ZBTB20: variants seen among roughly 807,000 people sequenced by gnomAD.
The protein encoded by ZBTB20 is zinc finger and BTB domain-containing protein 20.
ZBTB20 carries 9 observed loss-of-function variants against 56.9 expected under a neutral mutation model. The ratio of observed to expected loss-of-function variants is 0.16; its 90% CI spans 0.10 to 0.28. The LOEUF (loss-of-function observed/expected upper bound fraction) is 0.28. ZBTB20 is among the 10% of genes least tolerant of loss of function. ZBTB20 has a pLI of 1.00. For missense variants in ZBTB20, 655 were observed against 1,003.0 expected, an observed-to-expected ratio of 0.65 and a Z score of 4.69; for synonymous variants, 417 against 420.7, an observed-to-expected ratio of 0.99 and a Z score of 0.11.
chr3:114,430,850 T>C (rs79768640), intron 7 of ZBTB20, among the ~76,000 whole-genome samples: 10,158 of 152,278 alleles, frequency 0.067, 435 homozygotes, highest in East Asian at 0.19. Context: ...GGTGAGCACA[T>C]AGTCTGCTTC....
chr3:115,014,757 A>G (rs2079873718), intron 2 of ZBTB20, among the ~76,000 whole-genome samples: 2 of 151,708 alleles, frequency 1.3e-5, no homozygotes, highest in African/African-American at 4.8e-5. Context: ...CAAAGCATCT[A>G]TGATTATCGG....
chr3:114,909,020 A>G (rs1274304482), intron 3 of ZBTB20, among the ~76,000 whole-genome samples: 1 of 152,052 alleles, frequency 6.6e-6, no homozygotes, highest in African/African-American at 2.4e-5. Context: ...ATCTGAAATG[A>G]TGATGAATCT....
chr3:114,436,315 G>A (rs538653492), intron 7 of ZBTB20, among the ~76,000 whole-genome samples: 3 of 152,050 alleles, frequency 2.0e-5, no homozygotes, highest in Non-Finnish European at 2.9e-5. Context: ...AGGAGTTCCC[G>A]TATCAGACAG....
At chr3:114,387,685 G>A (rs1175333574) in intron 8 of ZBTB20, 8 of 152,292 alleles carry the variant, frequency 5.3e-5, no homozygotes, top group South Asian at 2.1e-4. Context: ...GTTACTCTGT[G>A]ATGAAGAAAA....
chr3:114,872,153 C>A (rs1334662099), intron 4 of ZBTB20, among the ~76,000 whole-genome samples: 5 of 152,134 alleles, frequency 3.3e-5, no homozygotes, highest in African/African-American at 4.8e-5. Context: ...GATCATATAT[C>A]CTGTTGCTTT....
chr3:115,034,504 GAAT>G (rs372131747), intron 2 of ZBTB20, among the ~76,000 whole-genome samples: 112 of 151,658 alleles, frequency 7.4e-4, no homozygotes, highest in Non-Finnish European at 1.2e-3. Context: ...GTATCACAAA[GAAT>G]AATACTATTT....
intron 5 of ZBTB20, among the ~76,000 whole-genome samples, chr3:114,722,856 G>A (rs1419726281): frequency 2.0e-5 from 3 of 152,226 alleles, no homozygotes; most frequent in African/African-American, 7.2e-5. Context: ...GGACTTCACA[G>A]CTCTGTTTCA....
intron 3 of ZBTB20, among the ~76,000 whole-genome samples, chr3:114,917,047 A>G (rs1029413414): frequency 1.3e-5 from 2 of 151,978 alleles, no homozygotes; most frequent in African/African-American, 4.8e-5. Flanking sequence ...TCTTGTAGGC[A>G]TGCTTCATTC....
At chr3:114,985,243 G>A (rs887440007) in intron 2 of ZBTB20, among the ~76,000 whole-genome samples, 1 of 152,066 alleles carries the variant, frequency 6.6e-6, no homozygotes, top group African/African-American at 2.4e-5. Flanking sequence ...TGATAGATCT[G>A]AGTAACGAAT....
chr3:114,532,269 G>A (rs940069648), intron 6 of ZBTB20, among the ~76,000 whole-genome samples: 4 of 152,176 alleles, frequency 2.6e-5, no homozygotes, highest in African/African-American at 9.7e-5. Context: ...ACGGCAGTCT[G>A]AAGTTGACCT....
intron 2 of ZBTB20, among the ~76,000 whole-genome samples, chr3:114,999,758 A>G (rs2079172511): frequency 6.6e-6 from 1 of 151,678 alleles, no homozygotes; most frequent in South Asian, 2.1e-4. Flanking sequence ...CACCTCTCCA[A>G]GCGTTTCAGC....
intron 11 of ZBTB20, among the ~76,000 whole-genome samples, chr3:114,349,194 T>A (rs1186830132): frequency 3.3e-5 from 2 of 60,744 alleles, no homozygotes; most frequent in Admixed American, 4.3e-4. Flanking sequence ...AGTGAGACCC[T>A]GTCTCAAAAA....
rs568906631 is a variant in ZBTB20 at position 114,537,271 on chromosome 3, G to T, written c.-294-36880C>A. On this transcript the variant is annotated intron_variant, in intron 6 of 11. Coordinates refer to ENST00000675478, the MANE Select transcript of ZBTB20 (RefSeq NM_001348800.3). Reference sequence around the variant, plus strand: ...AAGGGCTAATATCCAGAATCAACAAGGAATTTAAACAAATTTACAAGAAAA... The same window carrying T: ...AAGGGCTAATATCCAGAATCAACAATGAATTTAAACAAATTTACAAGAAAA... Among the ~76,000 whole-genome samples, 15 of 151,950 alleles carry T rather than the reference G, an allele frequency of 9.9e-5. No individual in the cohort carries two copies. In the East Asian group the frequency reaches 2.9e-3, roughly 29 times the overall value.
intron 2 of ZBTB20, among the ~76,000 whole-genome samples, chr3:115,056,976 A>G (rs1253698961): frequency 1.3e-5 from 2 of 151,820 alleles, no homozygotes; most frequent in African/African-American, 4.9e-5. Flanking sequence ...GTTGTAGCAC[A>G]TATCTATTCC....
intron 2 of ZBTB20, among the ~76,000 whole-genome samples, chr3:115,044,278 AG>A (rs1158407544): frequency 6.6e-6 from 1 of 152,226 alleles, no homozygotes; most frequent in Non-Finnish European, 1.5e-5. Context: ...CAACCAGCGT[AG>A]GTTCACCCTC....
At chr3:114,815,937 A>T (rs2072884060) in intron 4 of ZBTB20, among the ~76,000 whole-genome samples, 1 of 152,172 alleles carries the variant, frequency 6.6e-6, no homozygotes, top group African/African-American at 2.4e-5. Context: ...TATCTTTGCT[A>T]CAACACTACA....
intron 4 of ZBTB20, among the ~76,000 whole-genome samples, chr3:114,883,387 A>G (rs1452816564): frequency 6.6e-6 from 1 of 152,206 alleles, no homozygotes; most frequent in African/African-American, 2.4e-5. Flanking sequence ...AAGACTATCA[A>G]ACAAAACTGA....
intron 11 of ZBTB20, among the ~76,000 whole-genome samples, chr3:114,345,618 T>C (rs1041648425): frequency 4.6e-5 from 7 of 152,218 alleles, no homozygotes; most frequent in African/African-American, 1.4e-4. Context: ...CTCTAGGGAA[T>C]TGATTCTCAA....
At chr3:114,521,874 A>G (rs1469588783) in intron 6 of ZBTB20, among the ~76,000 whole-genome samples, 1 of 152,174 alleles carries the variant, frequency 6.6e-6, no homozygotes, top group East Asian at 1.9e-4. Context: ...ATGCCACAAT[A>G]TTATGTTTTG....
Sources: gnomAD v4.1 joint callset for allele counts (sites outside exome capture counted in the v4.1 genomes callset) on GRCh38, gnomAD v4.1.1 for gene constraint, MANE v1.5 for transcripts, NCBI Gene and HGNC (gene_info 2026-07-23, HGNC 2026-07-21) for gene names.